The following WWC1 variants were observed in gnomAD, a reference collection of about 807,000 sequenced individuals.
The protein encoded by WWC1 is protein KIBRA.
A neutral mutation model predicts 138.4 loss-of-function variants in WWC1; 55 were observed. The observed-to-expected ratio is 0.40, with a 90% CI of 0.32 to 0.50. The LOEUF is 0.50. WWC1 is among the 20% of genes least tolerant of loss of function. WWC1 has a pLI of 0.72. For synonymous variants in WWC1, 524 were observed against 564.9 expected (o/e 0.93, Z 1.03); for missense variants, 1,226 against 1,420.4 (o/e 0.86, Z 2.20).
chr5:168,409,981 A>G lies in WWC1; in HGVS notation c.927A>G (p.Glu309=). ...AGGTCAGATTGCGCCTTCGATATGA[A>G]GAGGCTAAGAGAAGGTAATTGGGCT... is the stretch of plus-strand genomic sequence containing the variant. The part of the protein sequence containing the change: ...AEKVRLRLRY[E]EAKRRIANLK... The change falls in exon 8 of 23, where the codon GAA becomes GAG. Residue 309 remains glutamate, a synonymous_variant. Coordinates refer to ENST00000265293, the MANE Select transcript of WWC1 (RefSeq NM_015238.3). 1.2e-6 allele frequency: 2 copies of G among 1,613,880 alleles called. No homozygotes were observed. Among genetic ancestry groups the G allele is most frequent in the East Asian group, 2.2e-5 (1 of 44,876 alleles).
Position 168,401,154 on chromosome 5 carries a change from G to T in WWC1, c.590+1587G>T, listed in dbSNP as rs561730442. Among the ~76,000 whole-genome samples the T allele has an allele frequency of 8.5e-5, 13 of 152,186 alleles. No homozygotes were observed. The East Asian group carries it at 2.3e-3, about 27-fold the overall frequency. On this transcript the variant is annotated intron_variant, in intron 5 of 22. Transcript: ENST00000265293. ...GGAGGAGAGAAAGAAATTAAGAAAGGGAGAGAGAAAGATGTTAGCTTATTG... is the reference window on the plus strand; with the variant it reads ...GGAGGAGAGAAAGAAATTAAGAAAGTGAGAGAGAAAGATGTTAGCTTATTG...
intron 9 of WWC1, chr5:168,415,462 C>G (rs1309652552): frequency 6.6e-6 from 1 of 152,148 alleles, no homozygotes; most frequent in African/African-American, 2.4e-5. Flanking sequence ...TTGTTTATTT[C>G]CTTCAGTGTT....
intron 1 of WWC1, among the ~76,000 whole-genome samples, chr5:168,351,371 G>A (rs1237280030): frequency 3.3e-5 from 5 of 152,174 alleles, no homozygotes; most frequent in Non-Finnish European, 1.5e-5. Context: ...TGCCTTGCAA[G>A]TGCACCTCAT....
At chr5:168,368,131 C>T (rs1189548564) in intron 1 of WWC1, among the ~76,000 whole-genome samples, 2 of 114,560 alleles carry the variant, frequency 1.7e-5, no homozygotes, top group Non-Finnish European at 3.6e-5. Context: ...GTTCTTGTTA[C>T]CCAGGCTGGA....
intron 1 of WWC1, among the ~76,000 whole-genome samples, chr5:168,307,598 CTT>C (rs35535200): frequency 0.12 from 16,106 of 132,382 alleles, 1,163 homozygotes; most frequent in Admixed American, 0.23. Context: ...TGATTTTACC[CTT>C]TTTTTTTTTT....
intron 17 of WWC1, 132 bp from the exon 18 acceptor site, chr5:168,453,836 C>A: frequency 2.0e-6 from 3 of 1,467,696 alleles, no homozygotes; most frequent in Non-Finnish European, 2.7e-6. Flanking sequence ...GTGAGCCTGG[C>A]CCCCCAAAAC....
rs778409020 is a variant in WWC1 at position 168,422,074 on chromosome 5, A to G, written c.1251A>G (p.Ala417=). The G allele has an allele frequency of 2.0e-5, 32 of 1,612,876 alleles. No individual in the cohort carries two copies. The East Asian group carries it at 6.9e-4, about 35-fold the overall frequency. ...TGGAGGAAGCCACCCGGCAGGTGGCAACTCTGCACTCCCAGCTGAAAAGGT... is the reference window on the plus strand; with the variant it reads ...TGGAGGAAGCCACCCGGCAGGTGGCGACTCTGCACTCCCAGCTGAAAAGGT... ...RELEEATRQV[A]TLHSQLKSLS... Residue 417 remains alanine (A), a synonymous_variant, in exon 10 of 23, where the codon GCA becomes GCG. Transcript: ENST00000265293.
At chr5:168,312,748 G>A (rs1771227821) in intron 1 of WWC1, among the ~76,000 whole-genome samples, 1 of 151,888 alleles carries the variant, frequency 6.6e-6, no homozygotes. Context: ...GACGTCAGGG[G>A]TCATGTGGTG....
At chr5:168,466,971 A>C (rs911884066) in intron 21 of WWC1, among the ~76,000 whole-genome samples, 2 of 152,190 alleles carry the variant, frequency 1.3e-5, no homozygotes, top group African/African-American at 4.8e-5. Context: ...CATTGATATG[A>C]TGGCTTTAGG....
intron 20 of WWC1, among the ~76,000 whole-genome samples, chr5:168,462,242 G>GAGC (rs60823427): frequency 0.8 from 122,013 of 151,858 alleles, 49,524 homozygotes; most frequent in African/African-American, 0.91. Context: ...GAACTGGAGA[G>GAGC]AGGAGAGAGA....
chr5:168,326,651 T>C (rs1581927075), intron 1 of WWC1, among the ~76,000 whole-genome samples: 2 of 152,142 alleles, frequency 1.3e-5, no homozygotes, highest in South Asian at 4.2e-4. Flanking sequence ...TTCAAGCAAT[T>C]CTTCTGCCTC....
Position 168,357,475 on chromosome 5 carries a change from T to C in WWC1, c.120-13949T>C, listed in dbSNP as rs1401447621. On this transcript the variant is annotated intron_variant, in intron 1 of 22. Coordinates refer to ENST00000265293, the MANE Select transcript of WWC1 (RefSeq NM_015238.3). ...GTGTGTGTGTGTGTGTGTGTGTGTGTGTGTGTGTGTGTGTGTGTGCGCGCG... is the reference window on the plus strand; with the variant it reads ...GTGTGTGTGTGTGTGTGTGTGTGTGCGTGTGTGTGTGTGTGTGTGCGCGCG... Among the ~76,000 whole-genome samples, 4 of 141,496 alleles carry C rather than the reference T, an allele frequency of 2.8e-5. No homozygotes were observed. In the East Asian group the frequency reaches 7.1e-4, roughly 25 times the overall value. 92.8% of individuals were successfully genotyped at this position (141,496 alleles called of 152,430 possible).
At chr5:168,336,791 A>G (rs1220647605) in intron 1 of WWC1, among the ~76,000 whole-genome samples, 1 of 152,172 alleles carries the variant, frequency 6.6e-6, no homozygotes, top group Non-Finnish European at 1.5e-5. Flanking sequence ...CAGGACAGTT[A>G]GAGTTAAACG....
rs1299177371 is a variant in WWC1 at position 168,428,018 on chromosome 5, A to G, written c.1811-15A>G. On this transcript the variant is annotated splice_polypyrimidine_tract_variant and intron_variant, in intron 11 of 22. Coordinates refer to ENST00000265293, the MANE Select transcript of WWC1 (RefSeq NM_015238.3). ...TCCTGGTTCCTGAACCTGCCTTTCC[A>G]TTTTCCTTCCCTAGCTGTGAATACG... The G allele has an allele frequency of 6.2e-7, 1 of 1,611,178 alleles. No homozygotes were observed.
At chr5:168,347,688 G>A (rs1297037275) in intron 1 of WWC1, among the ~76,000 whole-genome samples, 1 of 152,084 alleles carries the variant, frequency 6.6e-6, no homozygotes, top group Non-Finnish European at 1.5e-5. Flanking sequence ...TCTATGTGAT[G>A]ATCTATTTCA....
At chr5:168,359,716 G>T (rs576814816) in intron 1 of WWC1, among the ~76,000 whole-genome samples, 18 of 151,980 alleles carry the variant, frequency 1.2e-4, no homozygotes, top group Admixed American at 3.3e-4. Context: ...CATATCACTT[G>T]TATGTGTAAA....
intron 12 of WWC1, among the ~76,000 whole-genome samples, chr5:168,428,425 A>G (rs1273258338): frequency 1.3e-5 from 2 of 152,132 alleles, no homozygotes; most frequent in Admixed American, 6.5e-5. Context: ...AGGCCCCTTA[A>G]GAGAGGAGTC....
intron 1 of WWC1, among the ~76,000 whole-genome samples, chr5:168,327,466 T>C (rs555038233): frequency 1.3e-5 from 2 of 152,362 alleles, no homozygotes; most frequent in East Asian, 3.9e-4. Context: ...CCTTGTAAGG[T>C]ACATTGTTTC....
chr5:168,418,255 C>CG (rs1480178355), intron 9 of WWC1, among the ~76,000 whole-genome samples: 3 of 152,182 alleles, frequency 2.0e-5, no homozygotes, highest in Non-Finnish European at 2.9e-5. Flanking sequence ...AAACCTCATC[C>CG]TACCCTCTGC....
Sources: gnomAD v4.1 joint callset for allele counts (sites outside exome capture counted in the v4.1 genomes callset) on GRCh38, gnomAD v4.1.1 for gene constraint, MANE v1.5 for transcripts, NCBI Gene and HGNC (gene_info 2026-07-23, HGNC 2026-07-21) for gene names.